The following PXDNL variants were observed in gnomAD, a reference collection of about 807,000 sequenced individuals.
The protein encoded by PXDNL is peroxidasin like, also known as probable oxidoreductase PXDNL.
In PXDNL, 145 loss-of-function variants were observed where a neutral mutation model predicts 150.8. That is an observed-to-expected ratio of 0.96 (90% CI 0.84 to 1.10). The LOEUF is 1.10. Ranked by LOEUF, PXDNL falls within the 50% of genes least tolerant of loss-of-function variation. The pLI is 0.00. For synonymous variants in PXDNL, 757 were observed against 725.7 expected, an observed-to-expected ratio of 1.04 and a Z score of -0.69; for missense variants, 2,087 against 1,873.9, an observed-to-expected ratio of 1.11 and a Z score of -2.10.
rs578251907 is a variant in PXDNL at position 51,690,256 on chromosome 8, G to C, written c.165-35496C>G. 3.5e-4 allele frequency among the ~76,000 whole-genome samples: 54 copies of C among 152,184 alleles called. 1 individual carries two copies. Among genetic ancestry groups the C allele is most frequent in the Admixed American group, 2.4e-3 (36 of 15,300 alleles). On this transcript the variant is annotated intron_variant, in intron 1 of 22. Transcript: ENST00000356297. ...ACATATGTATACATGTGCCATGTTG[G>C]TGTGCTGCACCCATTAACTTGTCAT...
At chr8:51,390,691 G>C (rs978981281) in intron 17 of PXDNL, among the ~76,000 whole-genome samples, 2 of 151,872 alleles carry the variant, frequency 1.3e-5, no homozygotes, top group Non-Finnish European at 2.9e-5. Context: ...TTTGTTTAAT[G>C]AGGTGACAAG....
intron 5 of PXDNL, among the ~76,000 whole-genome samples, chr8:51,495,149 T>C (rs936968389): frequency 1.1e-4 from 17 of 151,802 alleles, no homozygotes; most frequent in African/African-American, 4.1e-4. Context: ...CTCAACTACA[T>C]GGAAACTGAA....
At chr8:51,734,391 T>C (rs796122769) in intron 1 of PXDNL, among the ~76,000 whole-genome samples, 13 of 152,342 alleles carry the variant, frequency 8.5e-5, no homozygotes, top group Admixed American at 3.3e-4. Context: ...AATTGGTCTA[T>C]TTAAGTCCCA....
At chr8:51,533,305 C>G (rs1811946535) in intron 4 of PXDNL, among the ~76,000 whole-genome samples, 1 of 152,056 alleles carries the variant, frequency 6.6e-6, no homozygotes. Flanking sequence ...CATGCACCAC[C>G]ACGCCTGGCT....
chr8:51,701,648 C>G (rs996420669), intron 1 of PXDNL, among the ~76,000 whole-genome samples: 1 of 152,124 alleles, frequency 6.6e-6, no homozygotes, highest in Non-Finnish European at 1.5e-5. Flanking sequence ...AAATCGATTA[C>G]CAAAACAATT....
chr8:51,809,215 G>A lies in PXDNL; in HGVS notation c.130C>T (p.His44Tyr), dbSNP rs376646763. Residue 44 changes from histidine (H) to tyrosine (Y), a missense_variant, in exon 1 of 23, where the codon CAC (histidine) becomes TAC (tyrosine). Coordinates refer to ENST00000356297, the MANE Select transcript of PXDNL (RefSeq NM_144651.5). ...TVRCMHLMLD[H>Y]IPQVPQQTTV... ...GTCTGCTGTGGTACCTGAGGAATGT[G>A]GTCCAGCATCAAGTGCATGCAGCGG... The A allele has an allele frequency of 1.9e-6, 3 of 1,613,640 alleles. No individual in the cohort carries two copies. The highest frequency in any genetic ancestry group is 2.5e-6 in the Non-Finnish European group (3 of 1,179,832).
chr8:51,357,075 C>G (rs1168535476), intron 19 of PXDNL, among the ~76,000 whole-genome samples: 1 of 152,152 alleles, frequency 6.6e-6, no homozygotes, highest in Non-Finnish European at 1.5e-5. Context: ...AATGGAATAG[C>G]ATTTTCTCAA....
At chr8:51,639,639 C>A (rs1339812130) in intron 2 of PXDNL, among the ~76,000 whole-genome samples, 2 of 152,138 alleles carry the variant, frequency 1.3e-5, no homozygotes, top group Non-Finnish European at 2.9e-5. Flanking sequence ...TACACCCTCC[C>A]AAGACTAAAC....
intron 2 of PXDNL, among the ~76,000 whole-genome samples, chr8:51,599,870 GATA>G (rs1172918382): frequency 9.4e-6 from 1 of 106,946 alleles, no homozygotes; most frequent in Non-Finnish European, 1.8e-5. Context: ...ACATCGTTTA[GATA>G]ATAAATTATA....
intron 5 of PXDNL, 29 bp downstream of exon 5, chr8:51,499,652 GAAAATGTAAAGCAGAAGC>G: frequency 6.9e-7 from 1 of 1,453,588 alleles, no homozygotes; most frequent in Non-Finnish European, 9.7e-7. Flanking sequence ...TGTATAAATG[GAAAATGTAAAGCAGAAGC>G]AAAGGACATC....
chr8:51,607,009 C>T (rs1481323471), intron 2 of PXDNL, among the ~76,000 whole-genome samples: 1 of 152,200 alleles, frequency 6.6e-6, no homozygotes, highest in African/African-American at 2.4e-5. Flanking sequence ...CTCACATCAC[C>T]ATCACCTCTT....
rs1428404385 is a variant in PXDNL at position 51,805,325 on chromosome 8, TTTAAA to T, written c.164+3851_164+3855del. 2.0e-5 allele frequency among the ~76,000 whole-genome samples: 3 copies of T among 148,834 alleles called. No homozygotes were observed. In the Admixed American group the frequency reaches 2.0e-4, roughly 10 times the overall value. ...GTATTTTATATATACATATATATAT[TTTAAA>T]TTATACAATTTTATATATAAAACTT... On this transcript the variant is annotated intron_variant, in intron 1 of 22. Coordinates refer to ENST00000356297, the MANE Select transcript of PXDNL (RefSeq NM_144651.5).
intron 1 of PXDNL, among the ~76,000 whole-genome samples, chr8:51,800,703 G>T (rs1462202537): frequency 2.6e-5 from 4 of 152,106 alleles, no homozygotes; most frequent in African/African-American, 9.7e-5. Context: ...TGTCTTTACT[G>T]CAATCTCTGA....
chr8:51,496,735 G>A (rs368600653), intron 5 of PXDNL, among the ~76,000 whole-genome samples: 1 of 152,104 alleles, frequency 6.6e-6, no homozygotes, highest in East Asian at 1.9e-4. Flanking sequence ...TGCAAGGGAC[G>A]TGAAGGACCC....
At chr8:51,605,493 A>T (rs1444372316) in intron 2 of PXDNL, among the ~76,000 whole-genome samples, 1 of 151,946 alleles carries the variant, frequency 6.6e-6, no homozygotes, top group Non-Finnish European at 1.5e-5. Context: ...TAAAATTATT[A>T]ATATAAATAT....
chr8:51,684,689 A>T (rs1815834882), intron 1 of PXDNL, among the ~76,000 whole-genome samples: 1 of 152,210 alleles, frequency 6.6e-6, no homozygotes, highest in Non-Finnish European at 1.5e-5. Flanking sequence ...CTGGGTCCAG[A>T]GGTCAGAGGA....
intron 1 of PXDNL, among the ~76,000 whole-genome samples, chr8:51,776,039 G>T (rs1275361594): frequency 6.6e-6 from 1 of 152,156 alleles, no homozygotes; most frequent in Non-Finnish European, 1.5e-5. Context: ...GTTGTGTAAG[G>T]AACGAAATAA....
rs1264550586 is a variant in PXDNL, at chr8:51,644,335, TATACACACACAC to T, written c.236+10342_236+10353del. The stretch of plus-strand genomic sequence containing the variant: ...GCACATTTTTACATATATATATATA[TATACACACACAC>T]ACACACACACACACACATATGTATA... On this transcript the variant is annotated intron_variant, in intron 2 of 22. Coordinates refer to ENST00000356297, the MANE Select transcript of PXDNL (RefSeq NM_144651.5). Among the ~76,000 whole-genome samples the T allele has an allele frequency of 1.0e-4, 5 of 48,722 alleles. 2 individuals carry two copies. Among genetic ancestry groups the T allele is most frequent in the South Asian group, 9.8e-4 (1 of 1,016 alleles). 32.0% of individuals were successfully genotyped at this position (48,722 alleles called of 152,430 possible). A position where few individuals can be genotyped will look rare whatever the true frequency, so the allele number is the denominator to read the frequency against.
At chr8:51,525,576 G>A (rs189710562) in intron 4 of PXDNL, among the ~76,000 whole-genome samples, 1 of 152,294 alleles carries the variant, frequency 6.6e-6, no homozygotes, top group East Asian at 1.9e-4. Context: ...CCAGTTAAAA[G>A]CATCAGCCTA....
Sources: gnomAD v4.1 joint callset for allele counts (sites outside exome capture counted in the v4.1 genomes callset) on GRCh38, gnomAD v4.1.1 for gene constraint, MANE v1.5 for transcripts, NCBI Gene and HGNC (gene_info 2026-07-23, HGNC 2026-07-21) for gene names.